SYTL5: variants seen among roughly 807,000 people sequenced by gnomAD.
The protein encoded by SYTL5 is synaptotagmin-like protein 5.
A neutral mutation model predicts 55.9 loss-of-function variants in SYTL5; 34 were observed. That is an observed-to-expected ratio of 0.61 (90% CI 0.46 to 0.81). The LOEUF is 0.81. Ranked by LOEUF, SYTL5 falls within the 30% of genes least tolerant of loss-of-function variation. The pLI is 0.00. For missense variants in SYTL5, 637 were observed against 546.7 expected (o/e 1.17, Z -1.65); for synonymous variants, 221 against 188.7 (o/e 1.17, Z -1.40).
chrX:37,935,612 A>G, the SYTL5 span, among the ~76,000 whole-genome samples: 2 of 112,371 alleles, frequency 1.8e-5, no homozygotes, highest in Non-Finnish European at 3.8e-5. Context: ...GGGTGCATAG[A>G]ATGGAGATAA....
the SYTL5 span, among the ~76,000 whole-genome samples, chrX:37,916,384 A>G: frequency 1.8e-5 from 2 of 112,694 alleles, no homozygotes; most frequent in South Asian, 3.6e-4. Flanking sequence ...CATTTTCCTG[A>G]CTTCTCCATA....
chrX:37,928,359 G>A, the SYTL5 span, among the ~76,000 whole-genome samples: 3 of 111,571 alleles, frequency 2.7e-5, no homozygotes, highest in East Asian at 8.4e-4. Context: ...CCCTCACACC[G>A]GGGGTCAGCA....
the SYTL5 span, among the ~76,000 whole-genome samples, chrX:37,913,613 G>A: frequency 8.9e-6 from 1 of 112,290 alleles, no homozygotes; most frequent in Non-Finnish European, 1.9e-5. Context: ...CCACACATGT[G>A]TGTTATGGAA....
chrX:38,045,458 G>A (rs73465441), intron 2 of SYTL5, among the ~76,000 whole-genome samples: 2,333 of 111,740 alleles, frequency 0.021, 68 homozygotes, highest in African/African-American at 0.071. Flanking sequence ...TTTGGATTTG[G>A]GTTTTTTGTT....
chrX:37,951,029 A>G, the SYTL5 span, among the ~76,000 whole-genome samples: 1 of 100,006 alleles, frequency 1.0e-5, no homozygotes, highest in African/African-American at 3.6e-5. Flanking sequence ...TCTGAAGGGC[A>G]GAAAGACTTA....
chrX:38,125,438 C>T lies in SYTL5; in HGVS notation c.1982C>T (p.Thr661Ile). 1 of 1,211,303 alleles carries T rather than the reference C, an allele frequency of 8.3e-7. No homozygotes were observed. The highest frequency in any genetic ancestry group is 1.1e-6 in the Non-Finnish European group (1 of 895,073). The change falls in exon 16 of 17, where the codon ACT (threonine) becomes ATT (isoleucine). Residue 661 changes from threonine (T) to isoleucine (I), a missense_variant. Coordinates refer to ENST00000297875, the MANE Select transcript of SYTL5 (RefSeq NM_138780.3). ...ATAAAGAATGTTTGCCTAGAACTTACTATCTGGGACAAGGAGGCCTTTTCC... is the reference window on the plus strand; with the variant it reads ...ATAAAGAATGTTTGCCTAGAACTTATTATCTGGGACAAGGAGGCCTTTTCC... ...QDIKNVCLELTIWDKEAFSSN... is the reference protein window; with the variant it reads ...QDIKNVCLELIIWDKEAFSSN...
the SYTL5 span, among the ~76,000 whole-genome samples, chrX:37,911,411 A>C: frequency 8.9e-6 from 1 of 111,869 alleles, no homozygotes; most frequent in African/African-American, 3.2e-5. Context: ...GAGGCTACAC[A>C]TCAGCCCATT....
chrX:38,103,021 TA>T, intron 10 of SYTL5: 1 of 1,146,398 alleles, frequency 8.7e-7, no homozygotes, highest in Non-Finnish European at 1.2e-6. Flanking sequence ...ATGACTTCTC[TA>T]AAGAGTTCTC....
intron 1 of SYTL5, among the ~76,000 whole-genome samples, chrX:38,021,618 T>C (rs1934553672): frequency 8.9e-6 from 1 of 112,326 alleles, no homozygotes; most frequent in African/African-American, 3.2e-5. Context: ...CTTCCTCTTG[T>C]AGGCAGATGG....
the SYTL5 span, among the ~76,000 whole-genome samples, chrX:37,952,895 A>G: frequency 2.1e-4 from 23 of 111,333 alleles, no homozygotes; most frequent in East Asian, 6.0e-3. Context: ...GGAAAGAAGG[A>G]TAGTGGGTTC....
intron 1 of SYTL5, among the ~76,000 whole-genome samples, chrX:38,028,346 C>T (rs752703856): frequency 8.9e-6 from 1 of 112,313 alleles, no homozygotes; most frequent in African/African-American, 3.2e-5. Flanking sequence ...TAATCAGTTT[C>T]TCCAATTGTG....
the SYTL5 span, among the ~76,000 whole-genome samples, chrX:37,944,617 G>C: frequency 9.0e-6 from 1 of 111,304 alleles, no homozygotes; most frequent in Non-Finnish European, 1.9e-5. Context: ...CCATGAATGC[G>C]GGCACAACTG....
At chrX:37,967,407 C>T in the SYTL5 span, among the ~76,000 whole-genome samples, 4 of 111,553 alleles carry the variant, frequency 3.6e-5, no homozygotes, top group Non-Finnish European at 5.6e-5. Context: ...AAAATTTTTG[C>T]TGATAAATCC....
At chrX:38,083,888 T>C (rs1267227184) in intron 6 of SYTL5, among the ~76,000 whole-genome samples, 3 of 108,174 alleles carry the variant, frequency 2.8e-5, no homozygotes, top group Non-Finnish European at 5.7e-5. Context: ...CCAACTTCCA[T>C]AGTCCTTGTT....
the SYTL5 span, among the ~76,000 whole-genome samples, chrX:37,967,585 T>C: frequency 1.8e-5 from 2 of 111,740 alleles, no homozygotes; most frequent in African/African-American, 6.5e-5. Context: ...TGGATCTGGA[T>C]GTCCATTCCC....
chrX:37,988,817 C>G, the SYTL5 span, among the ~76,000 whole-genome samples: 1 of 112,015 alleles, frequency 8.9e-6, no homozygotes, highest in African/African-American at 3.3e-5. Context: ...GAAATCCTAC[C>G]TGAATTGTGC....
chrX:37,899,924 A>T, the SYTL5 span, among the ~76,000 whole-genome samples: 10 of 109,578 alleles, frequency 9.1e-5, no homozygotes, highest in Non-Finnish European at 1.1e-4. Flanking sequence ...TAAAAAAAAC[A>T]AGCAACACTT....
At chrX:37,890,887 A>G in the SYTL5 span, among the ~76,000 whole-genome samples, 1 of 112,025 alleles carries the variant, frequency 8.9e-6, no homozygotes, top group East Asian at 2.8e-4. Context: ...ATTTTAAAAA[A>G]CAGGCTAGGT....
chrX:38,045,295 C>T (rs1180749380), intron 2 of SYTL5, among the ~76,000 whole-genome samples: 1 of 112,225 alleles, frequency 8.9e-6, no homozygotes, highest in Non-Finnish European at 1.9e-5. Flanking sequence ...CATATATGAG[C>T]ACATTTAATG....
Sources: allele counts gnomAD v4.1 joint callset (sites outside exome capture counted in the v4.1 genomes callset), GRCh38; gene constraint gnomAD v4.1.1; transcripts MANE v1.5; gene names NCBI Gene and HGNC (gene_info 2026-07-23, HGNC 2026-07-21).